TTC28: variants seen among roughly 807,000 people sequenced by gnomAD.
TTC28 encodes the protein tetratricopeptide repeat protein 28.
Under a neutral mutation model 198.0 loss-of-function variants are expected in TTC28, and 61 were observed. The ratio of observed to expected loss-of-function variants is 0.31; its 90% CI spans 0.25 to 0.38. TTC28 has a LOEUF of 0.38. Among genes scored for constraint, TTC28 ranks in the 10% least tolerant of loss-of-function variants. The pLI is 1.00. For missense variants in TTC28, 2,678 were observed against 3,164.0 expected (o/e 0.85, Z 3.69); for synonymous variants, 1,171 against 1,297.8 (o/e 0.90, Z 2.10).
At chr22:28,257,779 T>TAC (rs1258895229) in intron 5 of TTC28, among the ~76,000 whole-genome samples, 4 of 120,548 alleles carry the variant, frequency 3.3e-5, no homozygotes, top group Non-Finnish European at 7.0e-5. Context: ...TATATATATA[T>TAC]ATCTTCTACT....
At chr22:28,243,970 T>C (rs116771910) in intron 5 of TTC28, among the ~76,000 whole-genome samples, 7 of 152,280 alleles carry the variant, frequency 4.6e-5, no homozygotes, top group African/African-American at 1.7e-4. Flanking sequence ...TTATGGAGCT[T>C]AGATTTTAGA....
intron 1 of TTC28, among the ~76,000 whole-genome samples, chr22:28,646,868 A>C (rs909246360): frequency 6.8e-6 from 1 of 147,874 alleles, no homozygotes; most frequent in Admixed American, 8.0e-5. Flanking sequence ...TGTCGAAAGA[A>C]AGAAAGGAAA....
intron 1 of TTC28, among the ~76,000 whole-genome samples, chr22:28,659,894 G>C (rs946430055): frequency 1.3e-5 from 2 of 151,638 alleles, no homozygotes; most frequent in Non-Finnish European, 2.9e-5. Flanking sequence ...AACCTCCTGG[G>C]CCGAACTGAT....
chr22:28,543,578 A>T (rs1021608613), intron 2 of TTC28, among the ~76,000 whole-genome samples: 2 of 152,076 alleles, frequency 1.3e-5, no homozygotes, highest in African/African-American at 4.8e-5. Flanking sequence ...AAATCTGAAG[A>T]ACTTTGTATC....
intron 5 of TTC28, among the ~76,000 whole-genome samples, chr22:28,167,695 C>A (rs1922162033): frequency 6.6e-6 from 1 of 152,172 alleles, no homozygotes. Flanking sequence ...CTATCTATGG[C>A]AAACCCACAG....
chr22:28,461,120 C>T (rs1402071297), intron 2 of TTC28, among the ~76,000 whole-genome samples: 2 of 152,194 alleles, frequency 1.3e-5, no homozygotes, highest in African/African-American at 4.8e-5. Context: ...TTGTGGCCTT[C>T]TTGCTTATGG....
chr22:28,434,916 C>A (rs577524459), intron 2 of TTC28, among the ~76,000 whole-genome samples: 2 of 152,238 alleles, frequency 1.3e-5, no homozygotes, highest in African/African-American at 2.4e-5. Flanking sequence ...AAGTCTCAGG[C>A]CCCCAATATG....
At chr22:28,113,019 G>A (rs907942586) in intron 6 of TTC28, among the ~76,000 whole-genome samples, 10 of 152,174 alleles carry the variant, frequency 6.6e-5, no homozygotes, top group African/African-American at 2.2e-4. Context: ...GGGCCAATGC[G>A]ATCATGCTCA....
rs969439050 is a variant in TTC28, at chr22:28,109,553, A to T, written c.1442-1150T>A. ...AACAGTGCTCCAAACAAACCTCATGAACCATATTATAGCTGCTAAGCTAAA... is the reference window on the plus strand; with the variant it reads ...AACAGTGCTCCAAACAAACCTCATGTACCATATTATAGCTGCTAAGCTAAA... On this transcript the variant is annotated intron_variant, in intron 6 of 22. Transcript: ENST00000397906. 2.0e-5 allele frequency among the ~76,000 whole-genome samples: 3 copies of T among 152,252 alleles called. No homozygotes were observed. The South Asian group carries it at 6.2e-4, about 32-fold the overall frequency.
chr22:28,512,346 C>T (rs1044426900), intron 2 of TTC28, among the ~76,000 whole-genome samples: 25 of 152,116 alleles, frequency 1.6e-4, no homozygotes, highest in Admixed American at 7.9e-4. Context: ...ATTAGTTCAA[C>T]CATTATGGAA....
chr22:28,355,936 G>C (rs1373508641), intron 2 of TTC28, among the ~76,000 whole-genome samples: 1 of 152,194 alleles, frequency 6.6e-6, no homozygotes, highest in Non-Finnish European at 1.5e-5. Flanking sequence ...CACATTAAAG[G>C]GGCTCACACT....
chr22:28,097,171 T>A (rs1384204897), intron 10 of TTC28, among the ~76,000 whole-genome samples: 5 of 152,208 alleles, frequency 3.3e-5, no homozygotes. Flanking sequence ...CCTCCATCCC[T>A]TTAAGCATGC....
intron 5 of TTC28, among the ~76,000 whole-genome samples, chr22:28,209,068 C>T (rs1316261514): frequency 6.6e-6 from 1 of 152,208 alleles, no homozygotes; most frequent in Non-Finnish European, 1.5e-5. Context: ...CCATTGTTCT[C>T]ATACTTTCAA....
intron 5 of TTC28, among the ~76,000 whole-genome samples, chr22:28,164,399 G>C (rs960883497): frequency 1.3e-5 from 2 of 152,196 alleles, no homozygotes; most frequent in Non-Finnish European, 2.9e-5. Context: ...CCCTCCAGTA[G>C]GGGCGGACTG....
intron 2 of TTC28, among the ~76,000 whole-genome samples, chr22:28,590,085 C>A (rs528711449): frequency 3.7e-5 from 5 of 135,960 alleles, no homozygotes; most frequent in Admixed American, 7.4e-5. Context: ...GAAACTATAA[C>A]TTCCTATTTG....
intron 12 of TTC28, among the ~76,000 whole-genome samples, chr22:28,041,430 A>C (rs1004614327): frequency 1.9e-4 from 29 of 152,190 alleles, no homozygotes; most frequent in African/African-American, 6.3e-4. Flanking sequence ...ATAACACCAC[A>C]TATCTACAAC....
chr22:28,480,070 C>G (rs1009257910), intron 2 of TTC28, among the ~76,000 whole-genome samples: 4 of 152,122 alleles, frequency 2.6e-5, no homozygotes, highest in African/African-American at 9.7e-5. Context: ...TGAGGCAAAG[C>G]CAAATGGGGG....
chr22:28,243,569 GAACTACAGA>G (rs1172132844), intron 5 of TTC28, among the ~76,000 whole-genome samples: 5 of 152,138 alleles, frequency 3.3e-5, no homozygotes, highest in Non-Finnish European at 5.9e-5. Context: ...ATGCTATCAT[GAACTACAGA>G]CTACAGAGCT....
intron 5 of TTC28, among the ~76,000 whole-genome samples, chr22:28,229,230 T>A (rs1430868893): frequency 1.3e-5 from 2 of 152,348 alleles, no homozygotes; most frequent in East Asian, 3.9e-4. Context: ...AAAAGTAAGC[T>A]AATTTTGTAG....
Sources: gnomAD v4.1 joint callset for allele counts (sites outside exome capture counted in the v4.1 genomes callset) on GRCh38, gnomAD v4.1.1 for gene constraint, MANE v1.5 for transcripts, NCBI Gene and HGNC (gene_info 2026-07-23, HGNC 2026-07-21) for gene names.